NGFR: variants seen among roughly 807,000 people sequenced by gnomAD.
NGFR encodes nerve growth factor receptor, also known as tumor necrosis factor receptor superfamily member 16.
A neutral mutation model predicts 43.2 loss-of-function variants in NGFR; 30 were observed. The ratio of observed to expected loss-of-function variants is 0.69; its 90% confidence interval spans 0.52 to 0.94. The LOEUF (loss-of-function observed/expected upper bound fraction) is 0.94, where lower values mean the gene tolerates loss of function less well. Among genes scored for constraint, NGFR ranks in the 40% least tolerant of loss-of-function variants. The pLI is 0.00. For synonymous variants in NGFR, 246 were observed against 259.6 expected, an observed-to-expected ratio of 0.95 and a Z score of 0.50; for missense variants, 529 against 602.5, an observed-to-expected ratio of 0.88 and a Z score of 1.28.
At chr17:49,503,688 G>A (rs1597860840) in intron 2 of NGFR, among the ~76,000 whole-genome samples, 1 of 152,320 alleles carries the variant, frequency 6.6e-6, no homozygotes, top group Middle Eastern at 3.4e-3. Flanking sequence ...CGTATGTGTG[G>A]AGGTGGGACA....
At chr17:49,501,307 T>C (rs2071165828) in intron 1 of NGFR, among the ~76,000 whole-genome samples, 1 of 152,180 alleles carries the variant, frequency 6.6e-6, no homozygotes, top group Non-Finnish European at 1.5e-5. Context: ...GCAGCCACTG[T>C]CCCATCATTG....
Position 49,506,604 on chromosome 17 carries a change from G to C in NGFR, c.514G>C (p.Asp172His). The change falls in exon 3 of 6, where the codon GAC becomes CAC. Residue 172 changes from aspartate to histidine, a missense_variant. Transcript: ENST00000172229. Reference sequence around the variant, plus strand: ...GTGCCTGCCCTGCACCGTGTGCGAGGACACCGAGCGCCAGCTCCGCGAGTG... The same window carrying C: ...GTGCCTGCCCTGCACCGTGTGCGAGCACACCGAGCGCCAGCTCCGCGAGTG... ...DPCLPCTVCEDTERQLRECTR... is the reference protein window; with the variant it reads ...DPCLPCTVCEHTERQLRECTR... 6.2e-6 allele frequency: 10 copies of C among 1,603,982 alleles called. No homozygotes were observed. The highest frequency in any genetic ancestry group is 7.7e-6 in the Non-Finnish European group (9 of 1,175,794).
chr17:49,502,018 C>CCCCCCAAAA, intron 1 of NGFR, 45 bp from the exon 2 acceptor site: 1 of 1,320,360 alleles, frequency 7.6e-7, no homozygotes, highest in Non-Finnish European at 1.0e-6. Context: ...CAACCCACCC[C>CCCCCCAAAA]AGCTTTCTCT....
At chr17:49,498,425 T>C (rs1385818090) in intron 1 of NGFR, among the ~76,000 whole-genome samples, 1 of 152,154 alleles carries the variant, frequency 6.6e-6, no homozygotes, top group Non-Finnish European at 1.5e-5. Context: ...CTCCCCTGGG[T>C]TTGCATCGAC....
intron 3 of NGFR, among the ~76,000 whole-genome samples, chr17:49,508,673 C>A (rs142371376): frequency 6.6e-6 from 1 of 152,160 alleles, no homozygotes; most frequent in Non-Finnish European, 1.5e-5. Context: ...CCATGCAGCC[C>A]GGAAATGGCT....
intron 1 of NGFR, among the ~76,000 whole-genome samples, chr17:49,500,116 G>C (rs2071159065): frequency 1.3e-5 from 2 of 151,672 alleles, no homozygotes; most frequent in Non-Finnish European, 2.9e-5. Context: ...TTTGGGAAAA[G>C]AACAAAAGAG....
In NGFR at chr17:49,506,330, C is replaced by A. The variant is rs1324364094; in HGVS notation, c.240C>A (p.Thr80=). 2 of 1,577,324 alleles carry A rather than the reference C, an allele frequency of 1.3e-6. No homozygotes were observed. Among genetic ancestry groups the A allele is most frequent in the Non-Finnish European group, 1.7e-6 (2 of 1,162,694 alleles). ...SVTFSDVVSA[T]EPCKPCTECV... Reference sequence around the variant, plus strand: ...CGTTCTCCGACGTGGTGAGCGCGACCGAGCCGTGCAAGCCGTGCACCGAGT... The same window carrying A: ...CGTTCTCCGACGTGGTGAGCGCGACAGAGCCGTGCAAGCCGTGCACCGAGT... Residue 80 remains threonine, a synonymous_variant, in exon 3 of 6, where the codon ACC becomes ACA. Transcript: ENST00000172229.
Position 49,506,282 on chromosome 17 carries a change from G to C in NGFR, c.209-17G>C. 6.5e-7 allele frequency: 1 copy of C among 1,529,028 alleles called. No individual in the cohort carries two copies. Among genetic ancestry groups the C allele is most frequent in the Non-Finnish European group, 8.8e-7 (1 of 1,140,182 alleles). 94.7% of individuals were successfully genotyped at this position (1,529,028 alleles called of 1,614,324 possible). A position where few individuals can be genotyped will look rare whatever the true frequency, so the allele number is the denominator to read the frequency against. The stretch of plus-strand genomic sequence containing the variant: ...CCAAAAGAGCAGACGACTAAATCTG[G>C]TGTCCGCTGCGCTCAGGCGTGACGT... On this transcript the variant is annotated splice_polypyrimidine_tract_variant and intron_variant, in intron 2 of 5. Transcript: ENST00000172229.
chr17:49,498,867 C>T (rs148939082), intron 1 of NGFR, among the ~76,000 whole-genome samples: 234 of 152,300 alleles, frequency 1.5e-3, no homozygotes, highest in African/African-American at 5.4e-3. Context: ...CCCCTCCCTA[C>T]TTGGCTAAAC....
rs1293681449 is a variant in NGFR at position 49,495,555 on chromosome 17, C to G, written c.66+72C>G. ...CTCCGAGAAGAGCCGGGCGCCGCCA[C>G]CAAGGAAACAGAACAGAGCATTGGG... On this transcript the variant is annotated intron_variant, in intron 1 of 5. Coordinates refer to ENST00000172229, the MANE Select transcript of NGFR (RefSeq NM_002507.4). This position sits in a 1 kb window ranked among gnomAD's most constrained non-coding sequence, Gnocchi z 6.4. The G allele has an allele frequency of 9.4e-6, 11 of 1,165,242 alleles. No homozygotes were observed. The highest frequency in any genetic ancestry group is 2.1e-4 in the Middle Eastern group (1 of 4,746). The allele number at this position is 1,165,242 out of a possible 1,614,324, so 72.2% of individuals were successfully genotyped here.
chr17:49,504,753 T>TTTTC (rs1214256755), intron 2 of NGFR, among the ~76,000 whole-genome samples: 8 of 117,606 alleles, frequency 6.8e-5, no homozygotes, highest in East Asian at 2.4e-4. Flanking sequence ...CCTCTACCCT[T>TTTTC]TTTCTTTCTT....
At position 49,510,603 on chromosome 17, in the gene NGFR, G is replaced by T; in HGVS notation, c.760G>T (p.Val254Phe). The T allele has an allele frequency of 6.2e-7, 1 of 1,613,976 alleles. No individual in the cohort carries two copies. The change falls in exon 4 of 6, where the codon GTC (valine) becomes TTC (phenylalanine). Residue 254 changes from valine to phenylalanine, a missense_variant. By Grantham distance (50) the Val-to-Phe change is conservative. Transcript: ENST00000172229. ...AGGCACCACCGACAACCTCATCCCTGTCTATTGCTCCATCCTGGCTGCTGT... is the reference window on the plus strand; with the variant it reads ...AGGCACCACCGACAACCTCATCCCTTTCTATTGCTCCATCCTGGCTGCTGT... ...TRGTTDNLIP[V>F]YCSILAAVVV...
intron 2 of NGFR, among the ~76,000 whole-genome samples, chr17:49,502,971 A>G (rs373563827): frequency 6.6e-6 from 1 of 151,542 alleles, no homozygotes; most frequent in South Asian, 2.1e-4. Context: ...TTGGGAGTGC[A>G]ATGGCATGAT....
At chr17:49,498,823 C>A (rs1319735301) in intron 1 of NGFR, among the ~76,000 whole-genome samples, 1 of 152,166 alleles carries the variant, frequency 6.6e-6, no homozygotes, top group African/African-American at 2.4e-5. Context: ...CCTTTTGGAT[C>A]TGATTTTGGA....
intron 3 of NGFR, among the ~76,000 whole-genome samples, chr17:49,508,759 C>T (rs2071214302): frequency 6.6e-6 from 1 of 152,170 alleles, no homozygotes; most frequent in African/African-American, 2.4e-5. Flanking sequence ...CCCCCCGCCC[C>T]CGTCAGAGGG....
At chr17:49,510,986 C>A (rs781511473) in intron 4 of NGFR, 148 of 336,966 alleles carry the variant, frequency 4.4e-4, no homozygotes, top group Non-Finnish European at 2.1e-4. Context: ...CAGTCACCTG[C>A]GTGTGCATAT....
At position 49,512,804 on chromosome 17, in the gene NGFR, G is replaced by A. The variant is rs772053800; in HGVS notation, c.1079G>A (p.Arg360Gln). The A allele has an allele frequency of 1.8e-5, 29 of 1,613,304 alleles. No individual in the cohort carries two copies. The highest frequency in any genetic ancestry group is 8.9e-5 in the East Asian group (4 of 44,888). ...AACGGCTCTGCGGGGGACACCTGGCGGCACCTGGCGGGCGAGCTGGGCTAC... is the reference window on the plus strand; with the variant it reads ...AACGGCTCTGCGGGGGACACCTGGCAGCACCTGGCGGGCGAGCTGGGCTAC... ...LLNGSAGDTWRHLAGELGYQP... is the reference protein window; with the variant it reads ...LLNGSAGDTWQHLAGELGYQP... The change falls in exon 6 of 6, where the codon CGG becomes CAG. Residue 360 changes from arginine (R) to glutamine (Q), a missense_variant. Physicochemically the swap from Arg to Gln is conservative, Grantham distance 43. Transcript: ENST00000172229. The surrounding 1 kb of genome is among the most constrained non-coding windows in gnomAD (Gnocchi z 5.2).
At position 49,506,734 on chromosome 17, in the gene NGFR, A is replaced by G. The variant is rs2071202125; in HGVS notation, c.568+76A>G. Reference sequence around the variant, plus strand: ...GGGCATAAGGAAGGGCGCTCTCTGGAGGTCGACAAGGACCCTGCCTGGCCT... The same window carrying G: ...GGGCATAAGGAAGGGCGCTCTCTGGGGGTCGACAAGGACCCTGCCTGGCCT... On this transcript the variant is annotated intron_variant, in intron 3 of 5. Coordinates refer to ENST00000172229, the MANE Select transcript of NGFR (RefSeq NM_002507.4). 12 of 1,347,390 alleles carry G rather than the reference A, an allele frequency of 8.9e-6. No individual in the cohort carries two copies. In the South Asian group the frequency reaches 1.6e-4, roughly 18 times the overall value. 83.5% of individuals were successfully genotyped at this position (1,347,390 alleles called of 1,614,324 possible). A position where few individuals can be genotyped will look rare whatever the true frequency, so the allele number is the denominator to read the frequency against.
chr17:49,512,784 C>T lies in NGFR; in HGVS notation c.1059C>T (p.Gly353=), dbSNP rs1437289641. ...AGGAGGTGGAGAAGCTTCTCAACGG[C>T]TCTGCGGGGGACACCTGGCGGCACC... ...KREEVEKLLN[G]SAGDTWRHLA... Residue 353 remains glycine, a synonymous_variant, in exon 6 of 6, where the codon GGC becomes GGT. Transcript: ENST00000172229. This position sits in a 1 kb window ranked among gnomAD's most constrained non-coding sequence, Gnocchi z 5.2. 1.2e-6 allele frequency: 2 copies of T among 1,613,244 alleles called. No individual in the cohort carries two copies. Among genetic ancestry groups the T allele is most frequent in the Non-Finnish European group, 1.7e-6 (2 of 1,179,950 alleles).
Sources: gnomAD v4.1 joint callset for allele counts (sites outside exome capture counted in the v4.1 genomes callset) on GRCh38, gnomAD v4.1.1 for gene constraint, Gnocchi (gnomAD v3.1) non-coding constraint, MANE v1.5 for transcripts, NCBI Gene and HGNC (gene_info 2026-07-23, HGNC 2026-07-21) for gene names.